The following BDP1 variants were observed in gnomAD, a reference collection of about 807,000 sequenced individuals.
BDP1 encodes the protein BDP1 general transcription factor IIIB subunit, also known as transcription factor TFIIIB component B'' homolog.
BDP1 carries 169 observed loss-of-function variants against 266.6 expected under a neutral mutation model. The ratio of observed to expected loss-of-function variants is 0.63; its 90% CI spans 0.56 to 0.72. The LOEUF is 0.72. BDP1 is among the 30% of genes least tolerant of loss of function. The pLI is 0.00. For missense variants in BDP1, 3,015 were observed against 3,053.8 expected (o/e 0.99, Z 0.30); for synonymous variants, 1,090 against 1,022.4 (o/e 1.07, Z -1.26).
intron 6 of BDP1, among the ~76,000 whole-genome samples, chr5:71,469,593 T>A (rs1762111108): frequency 6.6e-6 from 1 of 151,948 alleles, no homozygotes. Context: ...AAAAAAAAAA[T>A]TCCAGATGCT....
chr5:71,538,918 A>G (rs1262939577), intron 26 of BDP1, 124 bp from the exon 27 acceptor site: 2 of 663,900 alleles, frequency 3.0e-6, no homozygotes, highest in Non-Finnish European at 5.2e-6. Flanking sequence ...ATAAATTAAG[A>G]CAAACCAGTT....
chr5:71,531,080 A>G (rs1457371866), intron 25 of BDP1, among the ~76,000 whole-genome samples: 1 of 152,138 alleles, frequency 6.6e-6, no homozygotes, highest in Non-Finnish European at 1.5e-5. Flanking sequence ...TCTCAAAAAA[A>G]AAATAACGTA....
At chr5:71,524,428 A>C in intron 25 of BDP1, 105 bp downstream of exon 25, 1 of 1,223,336 alleles carries the variant, frequency 8.2e-7, no homozygotes, top group Non-Finnish European at 1.1e-6. Flanking sequence ...TTAGGATTTG[A>C]AGAGTTCATT....
rs1580058245 is a variant in BDP1, at chr5:71,491,061, A to T, written c.1570A>T (p.Ile524Leu). The change falls in exon 11 of 39, where the codon ATA becomes TTA. Residue 524 changes from isoleucine (I) to leucine (L), a missense_variant. By Grantham distance (5) the Ile-to-Leu change is conservative. Coordinates refer to ENST00000358731, the MANE Select transcript of BDP1 (RefSeq NM_018429.3). ...KEQMLSCTQN[I>L]DGIVGFASTE... Reference sequence around the variant, plus strand: ...GCAGATGCTTTCCTGCACACAAAACATAGATGGCATTGTGGGTTTTGCCTC... The same window carrying T: ...GCAGATGCTTTCCTGCACACAAAACTTAGATGGCATTGTGGGTTTTGCCTC... 3.1e-6 allele frequency: 5 copies of T among 1,614,152 alleles called. No individual in the cohort carries two copies. Among genetic ancestry groups the T allele is most frequent in the East Asian group, 2.2e-5 (1 of 44,876 alleles).
intron 15 of BDP1, among the ~76,000 whole-genome samples, chr5:71,503,007 GCCA>G (rs1455063498): frequency 1.5e-5 from 2 of 135,728 alleles, no homozygotes; most frequent in Non-Finnish European, 3.1e-5. Flanking sequence ...TCCTGCCTCA[GCCA>G]CCTGAGATCG....
At chr5:71,515,805 G>T (rs1282125655) in intron 20 of BDP1, among the ~76,000 whole-genome samples, 1 of 151,876 alleles carries the variant, frequency 6.6e-6, no homozygotes, top group Non-Finnish European at 1.5e-5. Flanking sequence ...TCCTCTTCCA[G>T]CTCCTGGCAA....
intron 7 of BDP1, among the ~76,000 whole-genome samples, chr5:71,480,962 G>T (rs924850589): frequency 1.3e-5 from 2 of 152,132 alleles, no homozygotes; most frequent in African/African-American, 4.8e-5. Context: ...GGATCACGAG[G>T]TCAGGAGATA....
intron 34 of BDP1, among the ~76,000 whole-genome samples, chr5:71,550,465 A>T (rs1742666115): frequency 7.4e-6 from 1 of 135,244 alleles, no homozygotes; most frequent in Non-Finnish European, 1.6e-5. Flanking sequence ...ATTAAAAAAA[A>T]ATTTTTTTTT....
chr5:71,509,972 T>A lies in BDP1; in HGVS notation c.2880T>A (p.Thr960=). The change falls in exon 17 of 39, where the codon ACT becomes ACA. Residue 960 remains threonine (T), a synonymous_variant. Transcript: ENST00000358731. ...LGEVETDLKA[T]GNESSPREKT... is the part of the protein sequence containing the mutation. The stretch of plus-strand genomic sequence containing the variant: ...AAGTGGAGACAGATTTGAAAGCAAC[T>A]GGAAATGAGAGTTCCCCAAGGGAGA... 6.2e-7 allele frequency: 1 copy of A among 1,608,532 alleles called. No homozygotes were observed. The highest frequency in any genetic ancestry group is 8.5e-7 in the Non-Finnish European group (1 of 1,178,190).
Position 71,510,679 on chromosome 5 carries a change from T to TA in BDP1, c.3588dup (p.Glu1197ArgfsTer8). On this transcript the variant is annotated frameshift_variant, in exon 17 of 39. Transcript: ENST00000358731. LOFTEE classifies it high-confidence loss of function. The stretch of plus-strand genomic sequence containing the variant: ...GAGGTGATTGATGCTGCTGAGGTAA[T>TA]AGAGACAGATTTGGAAGAAACTGAA... 1 of 1,609,088 alleles carries TA rather than the reference T, an allele frequency of 6.2e-7. No individual in the cohort carries two copies. Among genetic ancestry groups the TA allele is most frequent in the Non-Finnish European group, 8.5e-7 (1 of 1,178,910 alleles).
chr5:71,549,372 T>C, intron 33 of BDP1, 48 bp from the exon 34 acceptor site: 1 of 1,399,698 alleles, frequency 7.1e-7, no homozygotes, highest in Non-Finnish European at 9.9e-7. Flanking sequence ...TGATACTCTG[T>C]TATTTCATAG....
At chr5:71,576,174 C>T in the BDP1 span, among the ~76,000 whole-genome samples, 1 of 152,132 alleles carries the variant, frequency 6.6e-6, no homozygotes, top group African/African-American at 2.4e-5. Flanking sequence ...GTATGTTTTT[C>T]CTGTGCAGAG....
intron 21 of BDP1, among the ~76,000 whole-genome samples, chr5:71,516,925 T>G (rs1462030097): frequency 6.6e-6 from 1 of 152,238 alleles, no homozygotes; most frequent in East Asian, 1.9e-4. Flanking sequence ...TGTTTATTTT[T>G]AATTTCATAG....
chr5:71,458,621 T>C lies in BDP1; in HGVS notation c.255T>C (p.Ser85=). 6.2e-7 allele frequency: 1 copy of C among 1,613,282 alleles called. No individual in the cohort carries two copies. Among genetic ancestry groups the C allele is most frequent in the Non-Finnish European group, 8.5e-7 (1 of 1,179,278 alleles). The change falls in exon 2 of 39, where the codon AGT becomes AGC. Residue 85 remains serine (S), a synonymous_variant. Coordinates refer to ENST00000358731, the MANE Select transcript of BDP1 (RefSeq NM_018429.3). The part of the protein sequence containing the change: ...TGGDNDVEES[S]RSSSTVSQRR... ...GTGACAATGATGTTGAAGAATCCAG[T>C]AGATCTTCCTCTACTGTTTCACAGA...
chr5:71,458,390 C>T (rs1033641832), intron 1 of BDP1, among the ~76,000 whole-genome samples, 189 bp from the exon 2 acceptor site: 6 of 151,588 alleles, frequency 4.0e-5, no homozygotes, highest in Admixed American at 1.3e-4. Flanking sequence ...TTAGAATTTA[C>T]GTATATTTAA....
At chr5:71,519,172 A>C (rs1765373719) in intron 22 of BDP1, among the ~76,000 whole-genome samples, 1 of 152,080 alleles carries the variant, frequency 6.6e-6, no homozygotes, top group Non-Finnish European at 1.5e-5. Flanking sequence ...TTTTGTCTTA[A>C]AAAGCCTTAA....
At chr5:71,496,195 T>C (rs902225502) in intron 12 of BDP1, among the ~76,000 whole-genome samples, 2 of 143,068 alleles carry the variant, frequency 1.4e-5, no homozygotes, top group Non-Finnish European at 3.0e-5. Flanking sequence ...TGAGCTGAGA[T>C]CATGCCACTG....
At chr5:71,543,845 T>C (rs1334390861) in intron 30 of BDP1, among the ~76,000 whole-genome samples, 1 of 152,208 alleles carries the variant, frequency 6.6e-6, no homozygotes, top group Non-Finnish European at 1.5e-5. Context: ...CATGGGGTTA[T>C]TCACAATATT....
Position 71,504,589 on chromosome 5 carries a change from TA to T in BDP1, c.2242-28del, listed in dbSNP as rs753105752. Reference sequence around the variant, plus strand: ...ATCTGTTATGCCTCATTGTGAAACCTAAAACATTAGAAAAATTTGTTTGTTT... The same window carrying T: ...ATCTGTTATGCCTCATTGTGAAACCTAAACATTAGAAAAATTTGTTTGTTT... On this transcript the variant is annotated intron_variant, in intron 15 of 38. Transcript: ENST00000358731. 1.8e-5 allele frequency: 29 copies of T among 1,588,902 alleles called. No homozygotes were observed. In the Admixed American group the frequency reaches 4.6e-4, roughly 25 times the overall value.
Sources: gnomAD v4.1 joint callset for allele counts (sites outside exome capture counted in the v4.1 genomes callset) on GRCh38, gnomAD v4.1.1 for gene constraint, MANE v1.5 for transcripts, NCBI Gene and HGNC (gene_info 2026-07-23, HGNC 2026-07-21) for gene names.